NR2F6: variants seen among roughly 807,000 people sequenced by gnomAD.
NR2F6 encodes nuclear receptor subfamily 2 group F member 6.
NR2F6 carries 16 observed loss-of-function variants against 26.5 expected under a neutral mutation model. The ratio of observed to expected loss-of-function variants is 0.60; its 90% CI spans 0.41 to 0.92. The LOEUF is 0.92. Ranked by LOEUF, NR2F6 falls within the 40% of genes least tolerant of loss-of-function variation. NR2F6 has a pLI of 0.00. For missense variants in NR2F6, 536 were observed against 631.7 expected, an observed-to-expected ratio of 0.85 and a Z score of 1.62; for synonymous variants, 325 against 305.0, an observed-to-expected ratio of 1.07 and a Z score of -0.68.
chr19:17,245,057 T>A lies in NR2F6; in HGVS notation c.164A>T (p.Asp55Val). ...CGACTTGTCCCCGCACACCACGCAG[T>A]CCACCTGCAGCCCCGGCCGCTCCTC... is the stretch of plus-strand genomic sequence containing the variant. ...GDEERPGLQV[D>V]CVVCGDKSSG... The change falls in exon 1 of 4, where the codon GAC becomes GTC. Residue 55 changes from aspartate to valine, a missense_variant. Physicochemically the swap from Asp to Val is radical, Grantham distance 152. Coordinates refer to ENST00000291442, the MANE Select transcript of NR2F6 (RefSeq NM_005234.4). The surrounding 1 kb of genome is among the most constrained non-coding windows in gnomAD (Gnocchi z 5.0). 6.2e-7 allele frequency: 1 copy of A among 1,601,834 alleles called. No homozygotes were observed. Among genetic ancestry groups the A allele is most frequent in the Non-Finnish European group, 8.5e-7 (1 of 1,175,116 alleles).
In NR2F6 at chr19:17,245,140, C is replaced by T. The variant is rs1343864803; in HGVS notation, c.81G>A (p.Ala27=). The change falls in exon 1 of 4, where the codon GCG becomes GCA. Residue 27 remains alanine (A), a synonymous_variant. Transcript: ENST00000291442. This position sits in a 1 kb window ranked among gnomAD's most constrained non-coding sequence, Gnocchi z 5.0. ...GVDKAGGYPR[A]AEDDSASPPG... ...GGGGCGAGGCCGAGTCGTCCTCGGC[C>T]GCGCGCGGGTAGCCGCCCGCCTTGT... The T allele has an allele frequency of 3.5e-6, 5 of 1,441,746 alleles. No individual in the cohort carries two copies. The East Asian group carries it at 1.5e-4, about 43-fold the overall frequency. 89.3% of individuals were successfully genotyped at this position (1,441,746 alleles called of 1,614,324 possible).
chr19:17,243,305 G>C (rs1422618415), intron 1 of NR2F6, among the ~76,000 whole-genome samples: 1 of 152,204 alleles, frequency 6.6e-6, no homozygotes, highest in Non-Finnish European at 1.5e-5. Flanking sequence ...TCAGGAGCTA[G>C]ACTTGGAGCT....
intron 1 of NR2F6, among the ~76,000 whole-genome samples, chr19:17,243,981 A>G (rs763157103): frequency 6.0e-4 from 91 of 152,144 alleles, no homozygotes; most frequent in Middle Eastern, 3.4e-3. Context: ...TGGGGTGCAG[A>G]GTAGGGGCTT....
In NR2F6 at chr19:17,232,521, C is replaced by T. The variant is rs1349308286; in HGVS notation, c.1046G>A (p.Arg349His). The T allele has an allele frequency of 4.3e-6, 7 of 1,610,740 alleles. No individual in the cohort carries two copies. The highest frequency in any genetic ancestry group is 1.1e-5 in the South Asian group (1 of 90,852). The change falls in exon 4 of 4, where the codon CGC becomes CAC. Residue 349 changes from arginine (R) to histidine (H), a missense_variant. Transcript: ENST00000291442. ...GAGCCGCAGCAGCAGGCGCCCGAAG[C>T]GCTGGGGCTGGGACGGGTACTGCGC... is the stretch of plus-strand genomic sequence containing the variant. ...VRAQYPSQPQ[R>H]FGRLLLRLPA...
intron 2 of NR2F6, 53 bp downstream of exon 2, chr19:17,240,618 C>G: frequency 6.3e-7 from 1 of 1,579,278 alleles, no homozygotes. Context: ...TGTTTGTTCA[C>G]CCCGGCTCCA....
chr19:17,236,544 C>A (rs917682043), intron 2 of NR2F6, among the ~76,000 whole-genome samples: 1 of 152,140 alleles, frequency 6.6e-6, no homozygotes, highest in Non-Finnish European at 1.5e-5. Flanking sequence ...CTTTTGGAGC[C>A]TCCTAACAGA....
In NR2F6 at chr19:17,235,752, G is replaced by T. The variant is rs1289067561; in HGVS notation, c.687C>A (p.Ala229=). ...HAPFFPELPV[A]DQVALLRLSW... ...TCAGGCGCAGCAGCGCCACCTGGTC[G>T]GCCACCGGCAGCTCGGGGAAGAAGG... Residue 229 remains alanine, a synonymous_variant, in exon 3 of 4, where the codon GCC becomes GCA. Transcript: ENST00000291442. The surrounding 1 kb of genome is among the most constrained non-coding windows in gnomAD (Gnocchi z 5.0). 17 of 1,499,604 alleles carry T rather than the reference G, an allele frequency of 1.1e-5. No individual in the cohort carries two copies. Among genetic ancestry groups the T allele is most frequent in the Non-Finnish European group, 1.5e-5 (17 of 1,132,986 alleles). The allele number at this position is 1,499,604 out of a possible 1,614,324, so 92.9% of individuals were successfully genotyped here. A position where few individuals can be genotyped will look rare whatever the true frequency, so the allele number is the denominator to read the frequency against.
At chr19:17,240,401 G>A (rs1172871052) in intron 2 of NR2F6, among the ~76,000 whole-genome samples, 2 of 152,214 alleles carry the variant, frequency 1.3e-5, no homozygotes, top group African/African-American at 2.4e-5. Context: ...CCCTTGTGGG[G>A]CGTCCCTGGC....
rs1324652432 is a variant in NR2F6 at position 17,240,765 on chromosome 19, C to T, written c.279G>A (p.Arg93=). Residue 93 remains arginine, a splice_region_variant and synonymous_variant, in exon 2 of 4, where the codon CGG becomes CGA. Coordinates refer to ENST00000291442, the MANE Select transcript of NR2F6 (RefSeq NM_005234.4). ...SIRRNLSYTC[R]SNRDCQIDQH... Reference sequence around the variant, plus strand: ...GGTCGATCTGGCAGTCACGGTTGGACCTGGGGGCACACAGAAGCCAGGGCT... The same window carrying T: ...GGTCGATCTGGCAGTCACGGTTGGATCTGGGGGCACACAGAAGCCAGGGCT... 7 of 1,613,686 alleles carry T rather than the reference C, an allele frequency of 4.3e-6. No homozygotes were observed. Among genetic ancestry groups the T allele is most frequent in the Non-Finnish European group, 5.9e-6 (7 of 1,179,840 alleles).
intron 3 of NR2F6, among the ~76,000 whole-genome samples, chr19:17,233,710 GGT>G (rs2073420531): frequency 6.6e-6 from 1 of 151,948 alleles, no homozygotes; most frequent in Non-Finnish European, 1.5e-5. Context: ...TGGCCAGGCT[GGT>G]CTTGAACTCC....
At chr19:17,233,457 C>G (rs1166283604) in intron 3 of NR2F6, among the ~76,000 whole-genome samples, 1 of 152,168 alleles carries the variant, frequency 6.6e-6, no homozygotes, top group Non-Finnish European at 1.5e-5. Flanking sequence ...AGTGATGTTT[C>G]AAGGGTGGCT....
In NR2F6 at chr19:17,245,438, G is replaced by GCGGGGC; in HGVS notation, c.-224_-219dup. Reference sequence around the variant, plus strand: ...TCCAGGCCAACTTTCCCACGCGTGCGCGGGGCCGGGCCCGGGGCCGGGAGG... The same window carrying GCGGGGC: ...TCCAGGCCAACTTTCCCACGCGTGCGCGGGGCCGGGGCCGGGCCCGGGGCCGGGAGG... On this transcript the variant is annotated 5_prime_UTR_variant, in exon 1 of 4. Transcript: ENST00000291442. This position sits in a 1 kb window ranked among gnomAD's most constrained non-coding sequence, Gnocchi z 5.0. 3.6e-6 allele frequency: 1 copy of GCGGGGC among 281,222 alleles called. No homozygotes were observed. The highest frequency in any genetic ancestry group is 6.3e-6 in the Non-Finnish European group (1 of 159,910). 17.4% of individuals were successfully genotyped at this position (281,222 alleles called of 1,614,324 possible).
chr19:17,242,482 G>A (rs2073474832), intron 1 of NR2F6, among the ~76,000 whole-genome samples: 2 of 152,124 alleles, frequency 1.3e-5, no homozygotes, highest in Admixed American at 6.5e-5. Context: ...AGGGGTTCAC[G>A]GGGGACAGTG....
intron 2 of NR2F6, among the ~76,000 whole-genome samples, chr19:17,236,376 C>T (rs1296078656): frequency 6.6e-6 from 1 of 151,748 alleles, no homozygotes; most frequent in Non-Finnish European, 1.5e-5. Flanking sequence ...TCAGGCCCTC[C>T]CCTCCAAAGC....
Position 17,235,650 on chromosome 19 carries a change from G to A in NR2F6, c.789C>T (p.Ala263=), listed in dbSNP as rs1338617886. 2.6e-6 allele frequency: 4 copies of A among 1,527,156 alleles called. No individual in the cohort carries two copies. The highest frequency in any genetic ancestry group is 4.2e-4 in the Middle Eastern group (2 of 4,754). 94.6% of individuals were successfully genotyped at this position (1,527,156 alleles called of 1,614,324 possible). A position where few individuals can be genotyped will look rare whatever the true frequency, so the allele number is the denominator to read the frequency against. Residue 263 remains alanine, a synonymous_variant, in exon 3 of 4, where the codon GCC becomes GCT. Coordinates refer to ENST00000291442, the MANE Select transcript of NR2F6 (RefSeq NM_005234.4). This position sits in a 1 kb window ranked among gnomAD's most constrained non-coding sequence, Gnocchi z 5.0. ...PLHTAPLLAA[A]GLHAAPMAAE... is the part of the protein sequence containing the mutation. ...CGGCCATAGGCGCGGCGTGGAGGCC[G>A]GCGGCGGCCAGTAGCGGCGCCGTGT...
chr19:17,235,876 G>T lies in NR2F6; in HGVS notation c.563C>A (p.Ala188Glu). 6.8e-7 allele frequency: 1 copy of T among 1,464,240 alleles called. No homozygotes were observed. The highest frequency in any genetic ancestry group is 3.0e-5 in the East Asian group (1 of 33,788). 90.7% of individuals were successfully genotyped at this position (1,464,240 alleles called of 1,614,324 possible). Reference protein sequence around the residue: ...PYPAAAGRFGAGGGAAGAVLG... With the variant: ...PYPAAAGRFGEGGGAAGAVLG... ...CACCGCGCCCGCCGCGCCGCCCCCTGCGCCGAAGCGTCCGGCCGCCGCAGG... is the reference window on the plus strand; with the variant it reads ...CACCGCGCCCGCCGCGCCGCCCCCTTCGCCGAAGCGTCCGGCCGCCGCAGG... Residue 188 changes from alanine (A) to glutamate (E), a missense_variant, in exon 3 of 4, where the codon GCA becomes GAA. Ala to Glu is a moderately radical substitution (Grantham distance 107, BLOSUM62 -1). Transcript: ENST00000291442. The surrounding 1 kb of genome is among the most constrained non-coding windows in gnomAD (Gnocchi z 5.0).
Position 17,245,263 on chromosome 19 carries a change from C to T in NR2F6, c.-43G>A. ...GCCGGGGCGCCCCCACCGCGCTCTT[C>T]CCTCCGGGCACCCCTCTCGGCCCGG... On this transcript the variant is annotated 5_prime_UTR_variant, in exon 1 of 4. Transcript: ENST00000291442. The surrounding 1 kb of genome is among the most constrained non-coding windows in gnomAD (Gnocchi z 5.0). The T allele has an allele frequency of 8.2e-7, 1 of 1,218,716 alleles. No individual in the cohort carries two copies. Among genetic ancestry groups the T allele is most frequent in the Non-Finnish European group, 1.0e-6 (1 of 981,348 alleles). The allele number at this position is 1,218,716 out of a possible 1,614,324, so 75.5% of individuals were successfully genotyped here.
intron 2 of NR2F6, among the ~76,000 whole-genome samples, chr19:17,238,793 T>TA (rs2073453123): frequency 6.6e-6 from 1 of 152,124 alleles, no homozygotes; most frequent in African/African-American, 2.4e-5. Context: ...TTACGCCAAG[T>TA]ATGGTGGCTC....
intron 2 of NR2F6, among the ~76,000 whole-genome samples, chr19:17,236,678 C>G (rs1000738442): frequency 6.6e-6 from 1 of 152,202 alleles, no homozygotes; most frequent in Non-Finnish European, 1.5e-5. Context: ...GAACAGGGAT[C>G]ATTTCTCTAC....
Sources: gnomAD v4.1 joint callset for allele counts (sites outside exome capture counted in the v4.1 genomes callset) on GRCh38, gnomAD v4.1.1 for gene constraint, Gnocchi (gnomAD v3.1) non-coding constraint, MANE v1.5 for transcripts, NCBI Gene and HGNC (gene_info 2026-07-23, HGNC 2026-07-21) for gene names.